The following SNTG1 variants were observed in gnomAD, a reference collection of about 807,000 sequenced individuals.
SNTG1 encodes the protein gamma-1-syntrophin.
SNTG1 carries 39 observed loss-of-function variants against 74.7 expected under a neutral mutation model. The observed-to-expected ratio is 0.52, with a 90% confidence interval of 0.40 to 0.68. The LOEUF (loss-of-function observed/expected upper bound fraction) is 0.68. SNTG1 is among the 30% of genes least tolerant of loss of function. The probability of loss-of-function intolerance (pLI) is 0.00; values close to 1 mark genes in which losing one functional copy is unlikely to be tolerated. For synonymous variants in SNTG1, 254 were observed against 217.1 expected, an observed-to-expected ratio of 1.17 and a Z score of -1.49; for missense variants, 685 against 609.5, an observed-to-expected ratio of 1.12 and a Z score of -1.30.
chr8:50,080,298 C>T (rs956278022), intron 1 of SNTG1, among the ~76,000 whole-genome samples: 1 of 152,062 alleles, frequency 6.6e-6, no homozygotes, highest in African/African-American at 2.4e-5. Flanking sequence ...CTGATGGATA[C>T]AGTTTTAGAG....
intron 2 of SNTG1, among the ~76,000 whole-genome samples, chr8:50,231,281 TG>T (rs2085610035): frequency 6.6e-6 from 1 of 151,286 alleles, no homozygotes; most frequent in Admixed American, 6.6e-5. Context: ...ACACTAATGG[TG>T]GGAATGTAAA....
intron 2 of SNTG1, among the ~76,000 whole-genome samples, chr8:50,367,936 A>C (rs534763178): frequency 7.2e-5 from 11 of 152,250 alleles, no homozygotes; most frequent in African/African-American, 2.2e-4. Flanking sequence ...GGAACTGGGC[A>C]ATAGGGTAGA....
chr8:50,270,120 A>G (rs191698536), intron 2 of SNTG1, among the ~76,000 whole-genome samples: 1 of 152,326 alleles, frequency 6.6e-6, no homozygotes, highest in African/African-American at 2.4e-5. Context: ...AACATGAGCT[A>G]GCAGAATACA....
At chr8:49,939,387 G>C (rs2129372226) in intron 1 of SNTG1, among the ~76,000 whole-genome samples, 1 of 152,260 alleles carries the variant, frequency 6.6e-6, no homozygotes, top group Middle Eastern at 3.4e-3. Flanking sequence ...AATTGAATAA[G>C]ACCCTTGTCA....
intron 1 of SNTG1, among the ~76,000 whole-genome samples, chr8:50,016,983 A>G (rs1816384717): frequency 6.6e-6 from 1 of 152,042 alleles, no homozygotes; most frequent in African/African-American, 2.4e-5. Context: ...TCAACTGAGA[A>G]CTCCATCTAC....
intron 2 of SNTG1, among the ~76,000 whole-genome samples, chr8:50,174,172 C>A (rs1272534824): frequency 6.6e-6 from 1 of 152,150 alleles, no homozygotes; most frequent in Non-Finnish European, 1.5e-5. Context: ...TGAACTCATT[C>A]TTTTTTATGC....
intron 8 of SNTG1, among the ~76,000 whole-genome samples, chr8:50,484,158 TTCCTTCC>T (rs1563453714): frequency 1.5e-4 from 8 of 55,156 alleles, no homozygotes; most frequent in African/African-American, 5.2e-4. Flanking sequence ...CTTTCCTTCC[TTCCTTCC>T]TTCCTTCCTT....
chr8:50,024,108 G>A (rs567144646), intron 1 of SNTG1, among the ~76,000 whole-genome samples: 3 of 152,260 alleles, frequency 2.0e-5, no homozygotes, highest in South Asian at 2.1e-4. Context: ...TTGGTTGAGG[G>A]ATCATACACA....
intron 12 of SNTG1, 68 bp from the exon 13 acceptor site, chr8:50,590,811 A>G: frequency 9.7e-7 from 1 of 1,027,012 alleles, no homozygotes; most frequent in South Asian, 1.6e-5. Context: ...TAATCTGCAT[A>G]AAATTCTGGG....
chr8:50,595,315 G>C (rs2094720054), intron 13 of SNTG1, among the ~76,000 whole-genome samples: 1 of 151,882 alleles, frequency 6.6e-6, no homozygotes, highest in South Asian at 2.1e-4. Flanking sequence ...CTCAAAAAAA[G>C]TAATGTGTCT....
At chr8:50,403,263 A>T (rs1030898457) in intron 4 of SNTG1, among the ~76,000 whole-genome samples, 1 of 152,220 alleles carries the variant, frequency 6.6e-6, no homozygotes, top group Non-Finnish European at 1.5e-5. Context: ...ATAATGCTGA[A>T]CTTGAGCTCT....
intron 17 of SNTG1, among the ~76,000 whole-genome samples, chr8:50,720,311 C>A (rs1403582916): frequency 8.3e-6 from 1 of 120,540 alleles, no homozygotes; most frequent in East Asian, 2.6e-4. Flanking sequence ...AAGGTGTTCC[C>A]TCTTTTCCAT....
At chr8:50,732,595 T>C (rs1195152019) in intron 17 of SNTG1, among the ~76,000 whole-genome samples, 1 of 151,956 alleles carries the variant, frequency 6.6e-6, no homozygotes, top group Non-Finnish European at 1.5e-5. Context: ...ATATTGTATT[T>C]CCATACAATT....
intron 2 of SNTG1, among the ~76,000 whole-genome samples, chr8:50,245,098 C>A (rs1215984426): frequency 1.1e-4 from 16 of 152,120 alleles, no homozygotes. Flanking sequence ...CATCTCAGTG[C>A]ATGTGTACGC....
chr8:50,172,815 G>T (rs1178371071), intron 2 of SNTG1, among the ~76,000 whole-genome samples, 180 bp downstream of exon 2: 1 of 150,526 alleles, frequency 6.6e-6, no homozygotes, highest in African/African-American at 2.4e-5. Flanking sequence ...GGAAGCAGTA[G>T]AAATATTCAG....
chr8:50,563,958 C>A (rs1365982647), intron 12 of SNTG1, among the ~76,000 whole-genome samples: 2 of 152,094 alleles, frequency 1.3e-5, no homozygotes, highest in East Asian at 3.9e-4. Flanking sequence ...TTAGGAAATA[C>A]TTTTACTGAA....
intron 1 of SNTG1, among the ~76,000 whole-genome samples, chr8:50,078,502 T>C (rs1822106033): frequency 6.6e-6 from 1 of 152,188 alleles, no homozygotes; most frequent in Non-Finnish European, 1.5e-5. Context: ...TTAGATACAT[T>C]ATAATTTTGT....
intron 4 of SNTG1, among the ~76,000 whole-genome samples, chr8:50,431,753 T>C (rs914924755): frequency 3.3e-5 from 5 of 152,180 alleles, no homozygotes; most frequent in Admixed American, 2.6e-4. Context: ...CTCATTGTTA[T>C]TTTAATTTGC....
At position 50,764,068 on chromosome 8, in the gene SNTG1, A is replaced by G. The variant is rs564213700; in HGVS notation, c.1395+11957A>G. Among the ~76,000 whole-genome samples the G allele has an allele frequency of 6.6e-5, 10 of 151,928 alleles. No homozygotes were observed. The East Asian group carries it at 2.0e-3, about 30-fold the overall frequency. ...ATTTTTACAATGGCCCCAATAATAC[A>G]AAATGGGAAAAGAACAGTCTCCAAT... On this transcript the variant is annotated intron_variant, in intron 18 of 18. Transcript: ENST00000642720.
Sources: allele counts gnomAD v4.1 joint callset (sites outside exome capture counted in the v4.1 genomes callset), GRCh38; gene constraint gnomAD v4.1.1; transcripts MANE v1.5; gene names NCBI Gene and HGNC (gene_info 2026-07-23, HGNC 2026-07-21).